Variants in CABLES2 observed in about 807,000 individuals in gnomAD.
The protein encoded by CABLES2 is Cdk5 and Abl enzyme substrate 2.
In CABLES2, 35 loss-of-function variants were observed where a neutral mutation model predicts 44.8. The ratio of observed to expected loss-of-function variants is 0.78; its 90% CI spans 0.60 to 1.04. The LOEUF (loss-of-function observed/expected upper bound fraction) is 1.04, where lower values mean the gene tolerates loss of function less well. Among genes scored for constraint, CABLES2 ranks in the 50% least tolerant of loss-of-function variants. The pLI, the probability that CABLES2 is intolerant of heterozygous loss-of-function variation, is 0.00. For synonymous variants in CABLES2, 282 were observed against 281.1 expected, an observed-to-expected ratio of 1.00 and a Z score of -0.03; for missense variants, 566 against 615.7, an observed-to-expected ratio of 0.92 and a Z score of 0.85.
At chr20:62,392,320 C>T (rs1987934320) in intron 8 of CABLES2, 69 bp downstream of exon 8, 1 of 1,136,760 alleles carries the variant, frequency 8.8e-7, no homozygotes, top group South Asian at 1.3e-5. Context: ...GAGAATCTAC[C>T]AGAAACTGGA....
Position 62,396,633 on chromosome 20 carries a change from C to A in CABLES2, c.363-41G>T, listed in dbSNP as rs763495125. The A allele has an allele frequency of 1.1e-5, 17 of 1,576,004 alleles. No homozygotes were observed. In the East Asian group the frequency reaches 3.9e-4, roughly 36 times the overall value. On this transcript the variant is annotated intron_variant, in intron 1 of 9. Coordinates refer to ENST00000279101, the MANE Select transcript of CABLES2 (RefSeq NM_031215.3). The surrounding 1 kb of genome is among the most constrained non-coding windows in gnomAD (Gnocchi z 5.7). Reference sequence around the variant, plus strand: ...GGAGCCTCAAAACAGGCCACCAGCCCGGGTGCCGCCTTTGTGGCCAGAAAC... The same window carrying A: ...GGAGCCTCAAAACAGGCCACCAGCCAGGGTGCCGCCTTTGTGGCCAGAAAC...
intron 1 of CABLES2, among the ~76,000 whole-genome samples, chr20:62,401,792 C>T (rs1001777164): frequency 4.6e-5 from 7 of 152,188 alleles, no homozygotes; most frequent in South Asian, 2.1e-4. Context: ...CCTGTGTCTC[C>T]GCAGGGGAGT....
In CABLES2 at chr20:62,390,780, G is replaced by C. The variant is rs991344328; in HGVS notation, c.*191C>G. The C allele has an allele frequency of 1.5e-5, 9 of 615,582 alleles. No homozygotes were observed. The highest frequency in any genetic ancestry group is 5.7e-6 in the Non-Finnish European group (2 of 352,254). The allele number at this position is 615,582 out of a possible 1,614,324, so 38.1% of individuals were successfully genotyped here. A position where few individuals can be genotyped will look rare whatever the true frequency, so the allele number is the denominator to read the frequency against. ...ATCCCCTCGGAGGGACGGTGCACTT[G>C]GGGATGAAAGCGACGTCTCTTTCCA... On this transcript the variant is annotated 3_prime_UTR_variant, in exon 10 of 10. Coordinates refer to ENST00000279101, the MANE Select transcript of CABLES2 (RefSeq NM_031215.3).
intron 1 of CABLES2, chr20:62,404,202 A>T (rs1988239194): frequency 6.6e-6 from 1 of 152,316 alleles, no homozygotes; most frequent in African/African-American, 2.4e-5. Context: ...GGCTCTGCTC[A>T]TCTCACACTG....
chr20:62,393,051 C>T, intron 6 of CABLES2, 28 bp from the exon 7 acceptor site: 1 of 1,593,006 alleles, frequency 6.3e-7, no homozygotes, highest in South Asian at 1.1e-5. Flanking sequence ...CCTGACCCAC[C>T]AGGAGTCTTG....
chr20:62,391,670 G>A lies in CABLES2; in HGVS notation c.1092-217C>T, dbSNP rs994904165. 4.6e-5 allele frequency among the ~76,000 whole-genome samples: 7 copies of A among 152,064 alleles called. No individual in the cohort carries two copies. The highest frequency in any genetic ancestry group is 8.8e-5 in the Non-Finnish European group (6 of 68,016). ...GGCAGGCTGGGTTTTGGCTTCCCCC[G>A]TCCCGTGGGTGGGCACCCATGGCAG... On this transcript the variant is annotated intron_variant, in intron 8 of 9. Transcript: ENST00000279101. This position sits in a 1 kb window ranked among gnomAD's most constrained non-coding sequence, Gnocchi z 5.7.
Position 62,394,852 on chromosome 20 carries a change from C to G in CABLES2, c.605+85G>C, listed in dbSNP as rs765237042. On this transcript the variant is annotated intron_variant, in intron 4 of 9. Coordinates refer to ENST00000279101, the MANE Select transcript of CABLES2 (RefSeq NM_031215.3). ...GCCGCACCTGGGGGCGCAGTGCCCGCTGATGCCTCCTGGGCCTGGCCGAGA... is the reference window on the plus strand; with the variant it reads ...GCCGCACCTGGGGGCGCAGTGCCCGGTGATGCCTCCTGGGCCTGGCCGAGA... 410 of 1,284,288 alleles carry G rather than the reference C, an allele frequency of 3.2e-4. 1 individual carries two copies. Among genetic ancestry groups the G allele is most frequent in the Non-Finnish European group, 4.3e-4 (397 of 920,984 alleles). 79.6% of individuals were successfully genotyped at this position (1,284,288 alleles called of 1,614,324 possible).
intron 1 of CABLES2, among the ~76,000 whole-genome samples, chr20:62,398,832 C>A (rs1226282746): frequency 6.6e-6 from 1 of 152,292 alleles, no homozygotes; most frequent in Non-Finnish European, 1.5e-5. Flanking sequence ...CTCACAGTGA[C>A]AACCACACCC....
rs943158130 is a variant in CABLES2 at position 62,388,680 on chromosome 20, C to T, written c.*2291G>A. 5.0e-6 allele frequency: 3 copies of T among 596,028 alleles called. No homozygotes were observed. Among genetic ancestry groups the T allele is most frequent in the Non-Finnish European group, 8.9e-6 (3 of 337,770 alleles). The allele number at this position is 596,028 out of a possible 1,614,324, so 36.9% of individuals were successfully genotyped here. ...GACAAATACATTATCCATTTAAAAA[C>T]AGATATCTAAGACAAAATAACTCAA... On this transcript the variant is annotated 3_prime_UTR_variant, in exon 10 of 10. Transcript: ENST00000279101.
At position 62,396,395 on chromosome 20, in the gene CABLES2, T is replaced by C. The variant is rs1488461479; in HGVS notation, c.447A>G (p.Thr149=). The stretch of plus-strand genomic sequence containing the variant: ...GGCCTTTATGTCTCGGTGATCCAGA[T>C]GTGTGTTTGGTTCTGCAAGGCAAAG... ...GCAPAQRTKH[T]SGSPRHKGLK... is the part of the protein sequence containing the mutation. The change falls in exon 3 of 10, where the codon ACA becomes ACG. Residue 149 remains threonine, a synonymous_variant. Transcript: ENST00000279101. The surrounding 1 kb of genome is among the most constrained non-coding windows in gnomAD (Gnocchi z 5.7). The C allele has an allele frequency of 6.2e-7, 1 of 1,613,968 alleles. No homozygotes were observed. The highest frequency in any genetic ancestry group is 1.1e-5 in the South Asian group (1 of 91,062).
chr20:62,393,707 G>T, intron 5 of CABLES2, 102 bp from the exon 6 acceptor site: 2 of 1,295,832 alleles, frequency 1.5e-6, no homozygotes, highest in Non-Finnish European at 1.0e-6. Context: ...CAGGAGCCCT[G>T]CATGGAAAAT....
In CABLES2 at chr20:62,392,502, CAGAG is replaced by C; in HGVS notation, c.985-11_985-8del. 6.2e-7 allele frequency: 1 copy of C among 1,609,488 alleles called. No individual in the cohort carries two copies. Among genetic ancestry groups the C allele is most frequent in the Non-Finnish European group, 8.5e-7 (1 of 1,175,782 alleles). ...CGTATTCTATCACTGTGGTCTGCAA[CAGAG>C]AGTGGGCAGGGTTGGGCCGGCCCCT... is the stretch of plus-strand genomic sequence containing the variant. On this transcript the variant is annotated splice_polypyrimidine_tract_variant and splice_region_variant and intron_variant, in intron 7 of 9. Coordinates refer to ENST00000279101, the MANE Select transcript of CABLES2 (RefSeq NM_031215.3).
chr20:62,391,374 C>G lies in CABLES2; in HGVS notation c.1171G>C (p.Glu391Gln), dbSNP rs1396082657. Residue 391 changes from glutamate to glutamine, a missense_variant, in exon 9 of 10, where the codon GAG becomes CAG. By Grantham distance (29) the Glu-to-Gln change is conservative. Coordinates refer to ENST00000279101, the MANE Select transcript of CABLES2 (RefSeq NM_031215.3). The surrounding 1 kb of genome is among the most constrained non-coding windows in gnomAD (Gnocchi z 5.7). ...AGCTTGCCCTGCAGGACCAGCTTCT[C>G]AAAGTACACGTAGGCCATGGCCACC... ...VTVAMAYVYF[E>Q]KLVLQGKLSK... is the part of the protein sequence containing the mutation. The G allele has an allele frequency of 6.2e-7, 1 of 1,613,354 alleles. No homozygotes were observed. The highest frequency in any genetic ancestry group is 1.3e-5 in the African/African-American group (1 of 74,952).
intron 1 of CABLES2, among the ~76,000 whole-genome samples, chr20:62,398,070 A>ATGGTGGTGGTGG (rs1569017462): frequency 3.5e-5 from 1 of 28,934 alleles, no homozygotes; most frequent in Non-Finnish European, 6.0e-5. Flanking sequence ...GGTGGTGGTG[A>ATGGTGGTGGTGG]CGGTGGTGGT....
intron 1 of CABLES2, among the ~76,000 whole-genome samples, chr20:62,398,121 G>GTGATGGCGGTGGTGGTGA (rs1555890787): frequency 8.5e-5 from 7 of 82,506 alleles, no homozygotes; most frequent in Admixed American, 4.7e-4. Context: ...GGTGGTGGTG[G>GTGATGGCGGTGGTGGTGA]TGGTTATGAC....
chr20:62,390,586 TG>T lies in CABLES2; in HGVS notation c.*384del. On this transcript the variant is annotated 3_prime_UTR_variant, in exon 10 of 10. Transcript: ENST00000279101. Reference sequence around the variant, plus strand: ...ATCTCCACCCTGACGCTGTGGTGGCTGCGGTGGTTTGCAGAAGGCGAGGCCA... The same window carrying T: ...ATCTCCACCCTGACGCTGTGGTGGCTCGGTGGTTTGCAGAAGGCGAGGCCA... 4.3e-6 allele frequency: 1 copy of T among 230,706 alleles called. No homozygotes were observed. The highest frequency in any genetic ancestry group is 8.7e-6 in the Non-Finnish European group (1 of 115,064). The allele number at this position is 230,706 out of a possible 1,614,324, so 14.3% of individuals were successfully genotyped here.
rs1569017551 is a variant in CABLES2, at chr20:62,398,087, GAC to G, written c.363-1497_363-1496del. On this transcript the variant is annotated intron_variant, in intron 1 of 9. Transcript: ENST00000279101. ...TGGTGGTGACGGTGGTGGTGGTGGT[GAC>G]GGTGGTGGTGGTGGTGATGGTGGTG... 1.7e-4 allele frequency among the ~76,000 whole-genome samples: 11 copies of G among 63,206 alleles called. 1 individual carries two copies. The highest frequency in any genetic ancestry group is 1.4e-3 in the East Asian group (4 of 2,836). The allele number at this position is 63,206 out of a possible 152,430, so 41.5% of individuals were successfully genotyped here.
At chr20:62,400,613 G>A (rs1988171190) in intron 1 of CABLES2, among the ~76,000 whole-genome samples, 2 of 152,164 alleles carry the variant, frequency 1.3e-5, no homozygotes, top group African/African-American at 4.8e-5. Context: ...TCCTTCCCAC[G>A]GGTAATTACC....
chr20:62,397,042 G>A (rs1010057196), intron 1 of CABLES2, among the ~76,000 whole-genome samples: 7 of 152,126 alleles, frequency 4.6e-5, no homozygotes, highest in African/African-American at 1.4e-4. Context: ...ATGGGCAGGC[G>A]GGGTGGGCAC....
Sources: gnomAD v4.1 joint callset for allele counts (sites outside exome capture counted in the v4.1 genomes callset) on GRCh38, gnomAD v4.1.1 for gene constraint, Gnocchi (gnomAD v3.1) non-coding constraint, MANE v1.5 for transcripts, NCBI Gene and HGNC (gene_info 2026-07-23, HGNC 2026-07-21) for gene names.